Variants in MAGI2 observed in about 807,000 individuals in gnomAD.
MAGI2 encodes membrane-associated guanylate kinase, WW and PDZ domain-containing protein 2.
MAGI2 carries 35 observed loss-of-function variants against 133.3 expected under a neutral mutation model. The observed-to-expected ratio is 0.26, with a 90% CI of 0.20 to 0.35. The LOEUF (loss-of-function observed/expected upper bound fraction) is 0.35, where lower values mean the gene tolerates loss of function less well. Ranked by LOEUF, MAGI2 falls within the 10% of genes least tolerant of loss-of-function variation. The pLI is 1.00. For missense variants in MAGI2, 1,636 were observed against 1,863.4 expected (o/e 0.88, Z 2.25); for synonymous variants, 729 against 710.6 (o/e 1.03, Z -0.41).
chr7:78,563,117 G>A (rs935834512), intron 3 of MAGI2, among the ~76,000 whole-genome samples: 1 of 151,892 alleles, frequency 6.6e-6, no homozygotes, highest in Non-Finnish European at 1.5e-5. Flanking sequence ...TTGCAAATAT[G>A]TGCAATTATT....
intron 6 of MAGI2, among the ~76,000 whole-genome samples, chr7:78,412,567 G>A (rs910638281): frequency 1.3e-5 from 2 of 152,008 alleles, no homozygotes; most frequent in Admixed American, 1.3e-4. Context: ...GCATTAGCGG[G>A]GTGTGAAATG....
chr7:78,378,741 G>A (rs1377431382), intron 6 of MAGI2, among the ~76,000 whole-genome samples: 1 of 151,878 alleles, frequency 6.6e-6, no homozygotes, highest in Non-Finnish European at 1.5e-5. Context: ...AAGCTACTTC[G>A]ACCAAGAGAT....
intron 13 of MAGI2, chr7:78,184,292 G>A (rs1475256683): frequency 6.6e-6 from 1 of 152,190 alleles, no homozygotes; most frequent in Non-Finnish European, 1.5e-5. Context: ...TTAGCAGCCA[G>A]TATAGAGGAA....
rs184205942 is a variant in MAGI2 at position 78,318,678 on chromosome 7, C to A, written c.1408+25100G>T. On this transcript the variant is annotated intron_variant, in intron 9 of 21. Coordinates refer to ENST00000354212, the MANE Select transcript of MAGI2 (RefSeq NM_012301.4). ...CAGGACACATAACCATCAGGTTTACCAAGGTTGAAATGAGGGAAAAAATGT... is the reference window on the plus strand; with the variant it reads ...CAGGACACATAACCATCAGGTTTACAAAGGTTGAAATGAGGGAAAAAATGT... 1.8e-3 allele frequency among the ~76,000 whole-genome samples: 269 copies of A among 152,156 alleles called. 2 individuals are homozygous for A. The highest frequency in any genetic ancestry group is 6.3e-3 in the African/African-American group (262 of 41,494).
At chr7:78,656,828 T>C (rs1335592737) in intron 2 of MAGI2, among the ~76,000 whole-genome samples, 1 of 151,786 alleles carries the variant, frequency 6.6e-6, no homozygotes, top group Non-Finnish European at 1.5e-5. Flanking sequence ...AAAAAATAAG[T>C]TTAAAATTTA....
intron 2 of MAGI2, among the ~76,000 whole-genome samples, chr7:78,840,958 T>C (rs187174759): frequency 3.4e-4 from 51 of 152,168 alleles, no homozygotes; most frequent in East Asian, 2.3e-3. Context: ...CCCATATCCT[T>C]TGAGACTTCG....
intron 2 of MAGI2, among the ~76,000 whole-genome samples, chr7:78,911,144 A>G (rs1486832422): frequency 6.6e-6 from 1 of 152,194 alleles, no homozygotes; most frequent in African/African-American, 2.4e-5. Flanking sequence ...CTTTACCATG[A>G]TTACTGCAAG....
intron 2 of MAGI2, among the ~76,000 whole-genome samples, chr7:78,661,986 G>A (rs188932892): frequency 6.6e-6 from 1 of 152,278 alleles, no homozygotes; most frequent in Admixed American, 6.5e-5. Context: ...CTTGGAGTAG[G>A]CTGTGTAGGG....
chr7:79,379,165 A>T (rs1195640374), intron 1 of MAGI2, among the ~76,000 whole-genome samples: 2 of 148,856 alleles, frequency 1.3e-5, no homozygotes, highest in Non-Finnish European at 3.0e-5. Flanking sequence ...CCTGTGTCCA[A>T]GTGTTCTCAT....
chr7:79,291,112 AC>A (rs34459344), intron 1 of MAGI2, among the ~76,000 whole-genome samples: 57,192 of 151,750 alleles, frequency 0.38, 11,951 homozygotes, highest in African/African-American at 0.54. Flanking sequence ...ATACTAATGT[AC>A]TTTTTGTCTC....
intron 9 of MAGI2, among the ~76,000 whole-genome samples, chr7:78,259,787 C>T (rs1793341402): frequency 6.6e-6 from 1 of 152,132 alleles, no homozygotes; most frequent in African/African-American, 2.4e-5. Flanking sequence ...CGGGAAAGAA[C>T]TAAGGGTTAT....
intron 20 of MAGI2, among the ~76,000 whole-genome samples, chr7:78,095,426 TG>T (rs1817606882): frequency 6.6e-6 from 1 of 152,152 alleles, no homozygotes; most frequent in Admixed American, 6.5e-5. Context: ...CCTTTTGTAG[TG>T]TCCACTCAAC....
chr7:78,147,309 C>T (rs1467935534), intron 16 of MAGI2, among the ~76,000 whole-genome samples: 1 of 152,138 alleles, frequency 6.6e-6, no homozygotes, highest in Non-Finnish European at 1.5e-5. Context: ...TGTCAGTTCC[C>T]GGACTTGAAA....
chr7:79,230,397 C>A (rs942521325), intron 1 of MAGI2, among the ~76,000 whole-genome samples: 13 of 151,994 alleles, frequency 8.6e-5, no homozygotes, highest in African/African-American at 3.1e-4. Context: ...AACTAGTTTA[C>A]AGTCCCACCA....
chr7:78,402,519 G>A (rs1796985640), intron 6 of MAGI2, among the ~76,000 whole-genome samples: 1 of 152,112 alleles, frequency 6.6e-6, no homozygotes, highest in African/African-American at 2.4e-5. Flanking sequence ...TTATGCATTT[G>A]GAATTTTCAA....
At chr7:79,365,300 T>C (rs1842627341) in intron 1 of MAGI2, among the ~76,000 whole-genome samples, 3 of 152,200 alleles carry the variant, frequency 2.0e-5, no homozygotes, top group South Asian at 4.1e-4. Context: ...TACAAAATGG[T>C]ACAGCTAGTT....
chr7:79,349,811 CAAT>C (rs1841572595), intron 1 of MAGI2, among the ~76,000 whole-genome samples: 1 of 151,872 alleles, frequency 6.6e-6, no homozygotes, highest in Non-Finnish European at 1.5e-5. Flanking sequence ...ACTTTAGAGC[CAAT>C]TATTTTGACT....
At chr7:78,987,755 G>C (rs1456272767) in intron 2 of MAGI2, among the ~76,000 whole-genome samples, 2 of 151,924 alleles carry the variant, frequency 1.3e-5, no homozygotes, top group Admixed American at 1.3e-4. Flanking sequence ...TAACCAGCAT[G>C]TCAAGTTGAT....
Position 78,232,031 on chromosome 7 carries a change from C to A in MAGI2, c.2047+23912G>T, listed in dbSNP as rs1265429687. Among the ~76,000 whole-genome samples, 3 of 151,610 alleles carry A rather than the reference C, an allele frequency of 2.0e-5. No homozygotes were observed. In the South Asian group the frequency reaches 6.3e-4, roughly 32 times the overall value. ...GGTGGGATGGCCTTGACTCAGGAAC[C>A]ATTGCTAAGAGGTATTCCACAAGAA... On this transcript the variant is annotated intron_variant, in intron 10 of 21. Transcript: ENST00000354212.
Sources: gnomAD v4.1 joint callset for allele counts (sites outside exome capture counted in the v4.1 genomes callset) on GRCh38, gnomAD v4.1.1 for gene constraint, MANE v1.5 for transcripts, NCBI Gene and HGNC (gene_info 2026-07-23, HGNC 2026-07-21) for gene names.